The following DCT variants were observed in gnomAD, a reference collection of about 807,000 sequenced individuals.
DCT encodes the protein dopachrome tautomerase.
Under a neutral mutation model 53.0 loss-of-function variants are expected in DCT, and 47 were observed. That is an observed-to-expected ratio of 0.89 (90% CI 0.70 to 1.13). The LOEUF (loss-of-function observed/expected upper bound fraction) is 1.13. Ranked by LOEUF, DCT falls within the 50% of genes most tolerant of loss-of-function variation. DCT has a pLI of 0.00. For synonymous variants in DCT, 244 were observed against 237.0 expected (o/e 1.03, Z -0.27); for missense variants, 669 against 637.4 (o/e 1.05, Z -0.53).
the DCT span, among the ~76,000 whole-genome samples, chr13:94,509,598 T>C: frequency 2.6e-5 from 4 of 152,216 alleles, no homozygotes; most frequent in African/African-American, 9.7e-5. Flanking sequence ...ATCCTTGTCT[T>C]AAGCTACTTA....
chr13:94,512,743 T>C, the DCT span, among the ~76,000 whole-genome samples: 1 of 151,368 alleles, frequency 6.6e-6, no homozygotes, highest in African/African-American at 2.4e-5. Context: ...CATATATACA[T>C]ACACACACAC....
upstream of DCT, among the ~76,000 whole-genome samples, chr13:94,479,957 C>T (rs915545293): frequency 6.6e-6 from 1 of 152,156 alleles, no homozygotes; most frequent in East Asian, 1.9e-4. Context: ...GTGAGCTCTT[C>T]GTCAAAGACC....
Position 94,460,343 on chromosome 13 carries a change from C to T in DCT, c.1044-117G>A, listed in dbSNP as rs140513461. On this transcript the variant is annotated intron_variant, in intron 5 of 7. Coordinates refer to ENST00000377028, the MANE Select transcript of DCT (RefSeq NM_001922.5). ...TGAGATTGGGTAGGGATATGGGAAG[C>T]TCTGTCATAGCAAATTGACCAAGAA... The T allele has an allele frequency of 2.0e-3, 1,788 of 907,076 alleles. 57 individuals carry two copies. The East Asian group carries it at 0.045, about 23-fold the overall frequency. 56.2% of individuals were successfully genotyped at this position (907,076 alleles called of 1,614,324 possible).
At chr13:94,502,026 C>CTCCCTGCTGTCCCCCT in the DCT span, among the ~76,000 whole-genome samples, 1,194 of 97,100 alleles carry the variant, frequency 0.012, 27 homozygotes, top group Middle Eastern at 0.027. Context: ...TTCCATAGCC[C>CTCCCTGCTGTCCCCCT]CAGCCCCCAC....
the DCT span, among the ~76,000 whole-genome samples, chr13:94,537,147 G>T: frequency 6.6e-6 from 1 of 151,968 alleles, no homozygotes; most frequent in South Asian, 2.1e-4. Context: ...GGTAATTGGC[G>T]GATCAAGTAA....
the DCT span, among the ~76,000 whole-genome samples, chr13:94,541,543 A>G: frequency 6.6e-6 from 1 of 152,244 alleles, no homozygotes; most frequent in South Asian, 2.1e-4. Context: ...TGTTGATAGC[A>G]TAATAAAGTG....
chr13:94,495,663 A>G, the DCT span, among the ~76,000 whole-genome samples: 1 of 152,236 alleles, frequency 6.6e-6, no homozygotes, highest in South Asian at 2.1e-4. Context: ...TGACACTAAT[A>G]TTACAATATT....
Position 94,462,146 on chromosome 13 carries a change from AG to A in DCT, c.906del (p.Tyr303MetfsTer5). ...YNHLVTLCNG[T>X]YEGLLRRNQM... ...TGATTTCTTCTCAGCAAACCTTCAT[AG>A]GTTCCATTGCACAAGGTGACCAGGT... On this transcript the variant is annotated frameshift_variant, in exon 5 of 8. Transcript: ENST00000377028. LOFTEE classifies it high-confidence loss of function. The A allele has an allele frequency of 6.2e-7, 1 of 1,613,524 alleles. No individual in the cohort carries two copies. Among genetic ancestry groups the A allele is most frequent in the South Asian group, 1.1e-5 (1 of 91,030 alleles).
upstream of DCT, among the ~76,000 whole-genome samples, chr13:94,480,538 A>G (rs1189702544): frequency 6.6e-6 from 1 of 152,220 alleles, no homozygotes; most frequent in Non-Finnish European, 1.5e-5. Flanking sequence ...AAAGACACAT[A>G]TTGTTATGTT....
At chr13:94,482,365 C>T (rs1885477569), upstream of DCT, among the ~76,000 whole-genome samples, 1 of 152,216 alleles carries the variant, frequency 6.6e-6, no homozygotes, top group African/African-American at 2.4e-5. Flanking sequence ...TGCCCCCATT[C>T]ATTTCCACCT....
At chr13:94,480,613 C>G (rs960480589), upstream of DCT, among the ~76,000 whole-genome samples, 1 of 152,164 alleles carries the variant, frequency 6.6e-6, no homozygotes, top group Non-Finnish European at 1.5e-5. Flanking sequence ...CTCTGTGCCA[C>G]CCCTTGATGT....
At chr13:94,477,366 G>A (rs1003354394) in intron 1 of DCT, among the ~76,000 whole-genome samples, 1 of 152,044 alleles carries the variant, frequency 6.6e-6, no homozygotes. Flanking sequence ...CAAAGTGCTG[G>A]GATTACAGGC....
At chr13:94,520,329 A>T in the DCT span, among the ~76,000 whole-genome samples, 1 of 152,230 alleles carries the variant, frequency 6.6e-6, no homozygotes, top group East Asian at 1.9e-4. Flanking sequence ...ATCAGGAATT[A>T]AAATTCTGAT....
At chr13:94,461,915 AC>A in intron 5 of DCT, 94 bp downstream of exon 5, 2 of 1,072,926 alleles carry the variant, frequency 1.9e-6, no homozygotes, top group South Asian at 1.6e-5. Context: ...TTCGTAGACA[AC>A]CCCCAAAACC....
At chr13:94,455,650 G>A (rs1189101754) in intron 6 of DCT, among the ~76,000 whole-genome samples, 1 of 152,190 alleles carries the variant, frequency 6.6e-6, no homozygotes, top group Admixed American at 6.5e-5. Context: ...CAGAATATTT[G>A]CTACCTGGCT....
intron 6 of DCT, among the ~76,000 whole-genome samples, chr13:94,457,171 T>C (rs1487895678): frequency 6.6e-6 from 1 of 152,196 alleles, no homozygotes; most frequent in East Asian, 1.9e-4. Flanking sequence ...TATAAACTGA[T>C]GGTTTGACAA....
At chr13:94,518,567 C>T in the DCT span, among the ~76,000 whole-genome samples, 1 of 152,130 alleles carries the variant, frequency 6.6e-6, no homozygotes, top group Admixed American at 6.6e-5. Flanking sequence ...GATTTTAGTG[C>T]CTCAAAGTTT....
At chr13:94,445,871 A>C (rs919856130) in intron 6 of DCT, 12 of 693,182 alleles carry the variant, frequency 1.7e-5, no homozygotes, top group Admixed American at 1.7e-4. Flanking sequence ...TCCTGGAGGC[A>C]GGGGAGAAAC....
the DCT span, among the ~76,000 whole-genome samples, chr13:94,525,532 T>C: frequency 2.0e-5 from 3 of 152,216 alleles, no homozygotes; most frequent in Non-Finnish European, 4.4e-5. Flanking sequence ...CTTTCCCTCA[T>C]GTCACAGAGA....
Sources: gnomAD v4.1 joint callset for allele counts (sites outside exome capture counted in the v4.1 genomes callset) on GRCh38, gnomAD v4.1.1 for gene constraint, MANE v1.5 for transcripts, NCBI Gene and HGNC (gene_info 2026-07-23, HGNC 2026-07-21) for gene names.